Variants in SFMBT2 observed in about 807,000 individuals in gnomAD.
SFMBT2 encodes the protein scm-like with four MBT domains protein 2.
SFMBT2 carries 38 observed loss-of-function variants against 110.1 expected under a neutral mutation model. The observed-to-expected ratio is 0.35, with a 90% CI of 0.27 to 0.45. The LOEUF is 0.45. Ranked by LOEUF, SFMBT2 falls within the 20% of genes least tolerant of loss-of-function variation. The pLI, the probability that SFMBT2 is intolerant of heterozygous loss-of-function variation, is 1.00. For synonymous variants in SFMBT2, 425 were observed against 425.4 expected, an observed-to-expected ratio of 1.00 and a Z score of 0.01; for missense variants, 1,011 against 1,094.9, an observed-to-expected ratio of 0.92 and a Z score of 1.08.
intron 10 of SFMBT2, among the ~76,000 whole-genome samples, chr10:7,223,211 T>C (rs1839802176): frequency 6.6e-6 from 1 of 152,196 alleles, no homozygotes; most frequent in Admixed American, 6.5e-5. Context: ...GCTGCCAAAA[T>C]GTTTGCCAAA....
At chr10:7,392,632 C>A (rs895091958) in intron 1 of SFMBT2, among the ~76,000 whole-genome samples, 2 of 152,110 alleles carry the variant, frequency 1.3e-5, no homozygotes, top group Non-Finnish European at 2.9e-5. Flanking sequence ...TTTAAGAGAT[C>A]TAGATTATTT....
intron 1 of SFMBT2, among the ~76,000 whole-genome samples, chr10:7,405,348 A>C (rs1232260487): frequency 6.6e-6 from 1 of 152,220 alleles, no homozygotes; most frequent in Non-Finnish European, 1.5e-5. Flanking sequence ...CTTGTATTCA[A>C]AGGCACACTG....
At chr10:7,202,555 A>G in intron 12 of SFMBT2, 33 bp from the exon 13 acceptor site, 1 of 1,614,164 alleles carries the variant, frequency 6.2e-7, no homozygotes, top group Admixed American at 1.7e-5. Context: ...AAAGAAAATC[A>G]GCTTTGTTAG....
intron 16 of SFMBT2, among the ~76,000 whole-genome samples, chr10:7,185,396 T>C (rs1838369061): frequency 6.6e-6 from 1 of 152,184 alleles, no homozygotes; most frequent in East Asian, 1.9e-4. Context: ...TAAATCACTT[T>C]ATAGCCAAAT....
At chr10:7,282,961 C>T (rs1318210069) in intron 6 of SFMBT2, among the ~76,000 whole-genome samples, 1 of 152,156 alleles carries the variant, frequency 6.6e-6, no homozygotes, top group Non-Finnish European at 1.5e-5. Context: ...TGAGGTTTCC[C>T]ATTCAAAGGC....
In SFMBT2 at chr10:7,398,914, C is replaced by A. The variant is rs546709516; in HGVS notation, c.-52+11947G>T. ...GTAAAGAAACTTACAAGGAAGGCTTCTGTAAGCCAGACATGCATGGATAAT... is the reference window on the plus strand; with the variant it reads ...GTAAAGAAACTTACAAGGAAGGCTTATGTAAGCCAGACATGCATGGATAAT... On this transcript the variant is annotated intron_variant, in intron 1 of 20. Coordinates refer to ENST00000397167, the MANE Select transcript of SFMBT2 (RefSeq NM_001387889.1). 1.3e-4 allele frequency among the ~76,000 whole-genome samples: 20 copies of A among 152,282 alleles called. 1 individual carries two copies. Among genetic ancestry groups the A allele is most frequent in the Admixed American group, 1.2e-3 (19 of 15,300 alleles).
Position 7,367,958 on chromosome 10 carries a change from A to G in SFMBT2, c.196-69T>C. On this transcript the variant is annotated intron_variant, in intron 3 of 20. Coordinates refer to ENST00000397167, the MANE Select transcript of SFMBT2 (RefSeq NM_001387889.1). The surrounding 1 kb of genome is among the most constrained non-coding windows in gnomAD (Gnocchi z 6.2). ...ACAATACATCCAGAAGATGACAAAAACCACTAAAAAATATGGCACTTACAA... is the reference window on the plus strand; with the variant it reads ...ACAATACATCCAGAAGATGACAAAAGCCACTAAAAAATATGGCACTTACAA... 6.4e-7 allele frequency: 1 copy of G among 1,552,180 alleles called. No homozygotes were observed. Among genetic ancestry groups the G allele is most frequent in the Non-Finnish European group, 8.7e-7 (1 of 1,149,702 alleles).
At position 7,382,257 on chromosome 10, in the gene SFMBT2, A is replaced by G. The variant is rs557901894; in HGVS notation, c.-51-308T>C. Among the ~76,000 whole-genome samples the G allele has an allele frequency of 2.0e-5, 3 of 152,220 alleles. No homozygotes were observed. In the East Asian group the frequency reaches 5.8e-4, roughly 29 times the overall value. On this transcript the variant is annotated intron_variant, in intron 1 of 20. Coordinates refer to ENST00000397167, the MANE Select transcript of SFMBT2 (RefSeq NM_001387889.1). ...AAACCCTGTCTCTACTGAAAATACA[A>G]AAGTGAGTCAGGAGTGGTGGCATGC... is the stretch of plus-strand genomic sequence containing the variant.
intron 4 of SFMBT2, among the ~76,000 whole-genome samples, chr10:7,338,428 G>A (rs1843783594): frequency 6.6e-6 from 1 of 152,178 alleles, no homozygotes; most frequent in South Asian, 2.1e-4. Flanking sequence ...GATAGCAGTT[G>A]ATGAACACAT....
intron 8 of SFMBT2, chr10:7,244,022 C>T: frequency 1.3e-6 from 1 of 789,206 alleles, no homozygotes; most frequent in Non-Finnish European, 1.5e-6. Flanking sequence ...GTCAGACAGA[C>T]AAACCCCAGC....
At position 7,352,741 on chromosome 10, in the gene SFMBT2, G is replaced by A. The variant is rs910209079; in HGVS notation, c.436+14908C>T. Reference sequence around the variant, plus strand: ...AATAAGTACACTGGGGCCGGGCGTGGTGGCTCACGCCTGTAATCCCAGCAC... The same window carrying A: ...AATAAGTACACTGGGGCCGGGCGTGATGGCTCACGCCTGTAATCCCAGCAC... On this transcript the variant is annotated intron_variant, in intron 4 of 20. Coordinates refer to ENST00000397167, the MANE Select transcript of SFMBT2 (RefSeq NM_001387889.1). Among the ~76,000 whole-genome samples, 8 of 152,350 alleles carry A rather than the reference G, an allele frequency of 5.3e-5. 1 individual carries two copies. The East Asian group carries it at 1.5e-3, about 29-fold the overall frequency.
In SFMBT2 at chr10:7,265,104, TTA is replaced by T. The variant is rs532068239; in HGVS notation, c.870+11786_870+11787del. Among the ~76,000 whole-genome samples the T allele has an allele frequency of 1.6e-3, 250 of 152,062 alleles. 4 individuals are homozygous for T. Among genetic ancestry groups the T allele is most frequent in the African/African-American group, 5.8e-3 (242 of 41,480 alleles). On this transcript the variant is annotated intron_variant, in intron 7 of 20. Coordinates refer to ENST00000397167, the MANE Select transcript of SFMBT2 (RefSeq NM_001387889.1). Reference sequence around the variant, plus strand: ...TTTTTTTAATGCTGAGATTTTAATTTTATGTTTTGATTTCTTTTTTAATGCTG... The same window carrying T: ...TTTTTTTAATGCTGAGATTTTAATTTTGTTTTGATTTCTTTTTTAATGCTG...
At chr10:7,400,519 G>A (rs1392177378) in intron 1 of SFMBT2, among the ~76,000 whole-genome samples, 4 of 152,110 alleles carry the variant, frequency 2.6e-5, no homozygotes, top group Admixed American at 6.5e-5. Flanking sequence ...CACAGCTGTC[G>A]GCTTCTATGA....
In SFMBT2 at chr10:7,184,129, CAG is replaced by C. The variant is rs546615785; in HGVS notation, c.1808+4493_1808+4494del. ...CCAAGTGCATAGAGCAGGGTGGAGA[CAG>C]AGAGAGGAATATGGGATGATAAAAT... On this transcript the variant is annotated intron_variant, in intron 16 of 20. Coordinates refer to ENST00000397167, the MANE Select transcript of SFMBT2 (RefSeq NM_001387889.1). 3.3e-5 allele frequency among the ~76,000 whole-genome samples: 5 copies of C among 152,264 alleles called. No individual in the cohort carries two copies. The East Asian group carries it at 9.6e-4, about 29-fold the overall frequency.
Position 7,171,646 on chromosome 10 carries a change from C to T in SFMBT2, c.2415+249G>A. 1 of 898,720 alleles carries T rather than the reference C, an allele frequency of 1.1e-6. No homozygotes were observed. Among genetic ancestry groups the T allele is most frequent in the Non-Finnish European group, 1.3e-6 (1 of 751,006 alleles). The allele number at this position is 898,720 out of a possible 1,614,324, so 55.7% of individuals were successfully genotyped here. ...ACTGTGCCCTCCTCCTGACAAGAAC[C>T]CAGGTGGCACTAAAGCCGTCCAGGA... On this transcript the variant is annotated intron_variant, in intron 19 of 20. Coordinates refer to ENST00000397167, the MANE Select transcript of SFMBT2 (RefSeq NM_001387889.1). The surrounding 1 kb of genome is among the most constrained non-coding windows in gnomAD (Gnocchi z 4.9).
At chr10:7,284,795 A>G in intron 5 of SFMBT2, 1 of 169,444 alleles carries the variant, frequency 5.9e-6, no homozygotes, top group Non-Finnish European at 1.2e-5. Flanking sequence ...CTTCTAAGAA[A>G]CCTTCTTAGC....
At chr10:7,285,791 A>T (rs1236148573) in intron 5 of SFMBT2, 75 bp downstream of exon 5, 1 of 798,024 alleles carries the variant, frequency 1.3e-6, no homozygotes, top group Non-Finnish European at 2.3e-6. Context: ...GATATATGCA[A>T]AGGTGCTGTC....
At chr10:7,303,542 G>C (rs907077214) in intron 4 of SFMBT2, among the ~76,000 whole-genome samples, 1 of 152,118 alleles carries the variant, frequency 6.6e-6, no homozygotes, top group Non-Finnish European at 1.5e-5. Context: ...AAAGGGTGGT[G>C]TAATAAAATA....
intron 12 of SFMBT2, chr10:7,205,487 T>C: frequency 1.7e-5 from 17 of 984,154 alleles, no homozygotes; most frequent in Non-Finnish European, 1.9e-5. Context: ...TTTAAAGAAA[T>C]GGTAACACAA....
Sources: gnomAD v4.1 joint callset for allele counts (sites outside exome capture counted in the v4.1 genomes callset) on GRCh38, gnomAD v4.1.1 for gene constraint, Gnocchi (gnomAD v3.1) non-coding constraint, MANE v1.5 for transcripts, NCBI Gene and HGNC (gene_info 2026-07-23, HGNC 2026-07-21) for gene names.